UBN1: variants seen among roughly 807,000 people sequenced by gnomAD.
UBN1 encodes ubinuclein 1, also known as ubinuclein-1.
UBN1 carries 17 observed loss-of-function variants against 108.5 expected under a neutral mutation model. That is an observed-to-expected ratio of 0.16 (90% CI 0.11 to 0.24). The LOEUF (loss-of-function observed/expected upper bound fraction) is 0.24, where lower values mean the gene tolerates loss of function less well. UBN1 is among the 10% of genes least tolerant of loss of function. UBN1 has a pLI of 1.00. For synonymous variants in UBN1, 726 were observed against 564.2 expected, an observed-to-expected ratio of 1.29 and a Z score of -4.07; for missense variants, 1,595 against 1,394.4, an observed-to-expected ratio of 1.14 and a Z score of -2.29.
chr16:4,870,794 C>T (rs1320300286), intron 10 of UBN1, 50 bp from the exon 11 acceptor site: 10 of 1,608,144 alleles, frequency 6.2e-6, no homozygotes, highest in Middle Eastern at 1.7e-4. Flanking sequence ...AGGGGAGAGG[C>T]GGTGGGCAGG....
Position 4,875,359 on chromosome 16 carries a change from A to C in UBN1, c.2949A>C (p.Gly983=). The C allele has an allele frequency of 6.2e-7, 1 of 1,614,184 alleles. No homozygotes were observed. Among genetic ancestry groups the C allele is most frequent in the Non-Finnish European group, 8.5e-7 (1 of 1,180,030 alleles). Residue 983 remains glycine, a synonymous_variant, in exon 15 of 18, where the codon GGA becomes GGC. Coordinates refer to ENST00000262376, the MANE Select transcript of UBN1 (RefSeq NM_001079514.3). ...GAGATTCCAGTGGTGGGACCCAGGGAGTGGCAAAGTTGCTGACCTCGCCGT... is the reference window on the plus strand; with the variant it reads ...GAGATTCCAGTGGTGGGACCCAGGGCGTGGCAAAGTTGCTGACCTCGCCGT... The part of the protein sequence containing the change: ...PNGDSSGGTQ[G]VAKLLTSPSL...
At chr16:4,856,527 G>A (rs1044855760) in intron 2 of UBN1, among the ~76,000 whole-genome samples, 47 of 152,288 alleles carry the variant, frequency 3.1e-4, no homozygotes, top group African/African-American at 1.0e-3. Context: ...TGGTACCACC[G>A]CAGGTAACAG....
chr16:4,848,077 G>A lies in UBN1; in HGVS notation c.-173G>A, dbSNP rs2086289751. On this transcript the variant is annotated 5_prime_UTR_variant, in exon 1 of 18. Coordinates refer to ENST00000262376, the MANE Select transcript of UBN1 (RefSeq NM_001079514.3). ...CCTGGGCTCGGGGACCCGGCCATGG[G>A]CCGAGGCGCGGGCCGCCCGCCCGCT... 6.6e-6 allele frequency: 1 copy of A among 152,002 alleles called. No homozygotes were observed. Among genetic ancestry groups the A allele is most frequent in the Admixed American group, 6.6e-5 (1 of 15,262 alleles). The allele number at this position is 152,002 out of a possible 1,614,324, so 9.4% of individuals were successfully genotyped here.
At chr16:4,863,324 G>C (rs776310336) in intron 7 of UBN1, among the ~76,000 whole-genome samples, 2 of 152,104 alleles carry the variant, frequency 1.3e-5, no homozygotes, top group African/African-American at 2.4e-5. Context: ...CCCTGCACTT[G>C]GGGCACTTGG....
chr16:4,880,005 G>T, intron 17 of UBN1, 78 bp from the exon 18 acceptor site: 5 of 1,517,084 alleles, frequency 3.3e-6, no homozygotes, highest in Non-Finnish European at 4.6e-6. Context: ...TGTCTCCCTT[G>T]AAGTTTGGTT....
intron 17 of UBN1, among the ~76,000 whole-genome samples, chr16:4,879,839 C>G (rs754032217): frequency 6.6e-6 from 1 of 152,194 alleles, no homozygotes; most frequent in African/African-American, 2.4e-5. Flanking sequence ...AGTTGCTGTT[C>G]TGGAAACACT....
intron 7 of UBN1, among the ~76,000 whole-genome samples, chr16:4,867,006 G>A (rs1034284322): frequency 6.6e-6 from 1 of 152,242 alleles, no homozygotes; most frequent in Non-Finnish European, 1.5e-5. Context: ...GGCTTCGCCG[G>A]CCTCCTGGGG....
At chr16:4,854,591 C>A (rs897521412) in intron 2 of UBN1, among the ~76,000 whole-genome samples, 6 of 150,478 alleles carry the variant, frequency 4.0e-5, no homozygotes, top group African/African-American at 1.5e-4. Flanking sequence ...GTCTCCAACT[C>A]CTGACCTCAA....
At chr16:4,866,802 G>C (rs533780728) in intron 7 of UBN1, among the ~76,000 whole-genome samples, 1 of 152,294 alleles carries the variant, frequency 6.6e-6, no homozygotes, top group South Asian at 2.1e-4. Flanking sequence ...GTGAGCCACC[G>C]CGCCGGGCCA....
At position 4,860,845 on chromosome 16, in the gene UBN1, G is replaced by A; in HGVS notation, c.853G>A (p.Ala285Thr). Residue 285 changes from alanine to threonine, a missense_variant, in exon 7 of 18, where the codon GCC becomes ACC. Physicochemically the swap from Ala to Thr is moderately conservative, Grantham distance 58. Around this residue, in one of 3 missense-constraint regions of UBN1, gnomAD observed 1,398 missense variants for 1,194.7 expected, o/e 1.17. Coordinates refer to ENST00000262376, the MANE Select transcript of UBN1 (RefSeq NM_001079514.3). ...EAQGLRELEGASDPLLSLFGS... is the reference protein window; with the variant it reads ...EAQGLRELEGTSDPLLSLFGS... ...TCAGGGCCTGCGGGAACTGGAGGGT[G>A]CCTCTGACCCCTTGCTCTCACTCTT... 1 of 1,614,292 alleles carries A rather than the reference G, an allele frequency of 6.2e-7. No homozygotes were observed. The highest frequency in any genetic ancestry group is 8.5e-7 in the Non-Finnish European group (1 of 1,180,050).
rs2086983344 is a variant in UBN1, at chr16:4,859,967, G to A, written c.670G>A (p.Gly224Ser). ...KSKKSKFSKA[G>S]FTALNASKEK... is the part of the protein sequence containing the mutation. ...GAAAAAGTCCAAGTTTTCCAAAGCC[G>A]GGTGAGAGGCAGCAGCTTCTTTGCT... Residue 224 changes from glycine to serine, a missense_variant and splice_region_variant, in exon 6 of 18, where the codon GGC (glycine) becomes AGC (serine). By Grantham distance (56) the Gly-to-Ser change is moderately conservative (BLOSUM62 0). Around this residue, in one of 3 missense-constraint regions of UBN1, gnomAD observed 1,398 missense variants for 1,194.7 expected, o/e 1.17. Transcript: ENST00000262376. 7 of 1,614,040 alleles carry A rather than the reference G, an allele frequency of 4.3e-6. No homozygotes were observed. Among genetic ancestry groups the A allele is most frequent in the Non-Finnish European group, 5.9e-6 (7 of 1,179,956 alleles).
intron 12 of UBN1, among the ~76,000 whole-genome samples, chr16:4,871,602 T>G (rs1269611026): frequency 9.7e-6 from 1 of 102,778 alleles, no homozygotes; most frequent in Non-Finnish European, 2.0e-5. Flanking sequence ...TTTTTTTTTT[T>G]TTGAGATGGA....
chr16:4,868,426 G>A (rs892776629), intron 7 of UBN1, among the ~76,000 whole-genome samples: 23 of 152,200 alleles, frequency 1.5e-4, no homozygotes, highest in African/African-American at 5.1e-4. Context: ...TAGATAAAAA[G>A]GCCTTTAAAT....
intron 6 of UBN1, 93 bp downstream of exon 6, chr16:4,860,061 A>G: frequency 6.5e-7 from 1 of 1,529,768 alleles, no homozygotes; most frequent in Non-Finnish European, 8.8e-7. Flanking sequence ...CAGCTTCGGA[A>G]GAGGCAGCAG....
chr16:4,877,374 T>C lies in UBN1; in HGVS notation c.3266-11T>C. On this transcript the variant is annotated splice_polypyrimidine_tract_variant and intron_variant, in intron 16 of 17. Coordinates refer to ENST00000262376, the MANE Select transcript of UBN1 (RefSeq NM_001079514.3). The surrounding 1 kb of genome is among the most constrained non-coding windows in gnomAD (Gnocchi z 4.3). ...TGTTTTGTTCTTTTCTCCCCTCCTGTTTTCTCTCAGGTCTTCTGGCTGGCT... is the reference window on the plus strand; with the variant it reads ...TGTTTTGTTCTTTTCTCCCCTCCTGCTTTCTCTCAGGTCTTCTGGCTGGCT... 1 of 1,607,050 alleles carries C rather than the reference T, an allele frequency of 6.2e-7. No homozygotes were observed. Among genetic ancestry groups the C allele is most frequent in the Non-Finnish European group, 8.5e-7 (1 of 1,176,182 alleles).
In UBN1 at chr16:4,872,913, A is replaced by G. The variant is rs2087714406; in HGVS notation, c.1736A>G (p.His579Arg). 2 of 1,614,240 alleles carry G rather than the reference A, an allele frequency of 1.2e-6. No individual in the cohort carries two copies. ...CTGTTTAAGGAGAGCAGACGAGGCC[A>G]TGGGCACCTGACTTCAATCCTGTGA... is the stretch of plus-strand genomic sequence containing the variant. Reference protein sequence around the residue: ...RTLFKESRRGHGHLTSILAKK... With the variant: ...RTLFKESRRGRGHLTSILAKK... The change falls in exon 13 of 18, where the codon CAT (histidine) becomes CGT (arginine). Residue 579 changes from histidine (H) to arginine (R), a missense_variant. Physicochemically the swap from His to Arg is conservative, Grantham distance 29. Transcript: ENST00000262376.
At chr16:4,865,228 T>C (rs530775465) in intron 7 of UBN1, among the ~76,000 whole-genome samples, 6 of 152,358 alleles carry the variant, frequency 3.9e-5, no homozygotes, top group African/African-American at 1.4e-4. Flanking sequence ...CAGTCGACTC[T>C]TCAGTATAAA....
intron 12 of UBN1, among the ~76,000 whole-genome samples, chr16:4,871,981 G>C (rs893378316): frequency 1.3e-5 from 2 of 152,194 alleles, no homozygotes; most frequent in Non-Finnish European, 2.9e-5. Flanking sequence ...GTCATTTGCA[G>C]GTAGCAGGGC....
chr16:4,852,624 T>G, intron 1 of UBN1: 1 of 239,982 alleles, frequency 4.2e-6, no homozygotes, highest in Non-Finnish European at 8.1e-6. Flanking sequence ...TCTGTCAGCA[T>G]GGGTTCTTTA....
Sources: gnomAD v4.1 joint callset for allele counts (sites outside exome capture counted in the v4.1 genomes callset) on GRCh38, gnomAD v4.1.1 for gene constraint, gnomAD v4.1.1 regional missense constraint, Gnocchi (gnomAD v3.1) non-coding constraint, MANE v1.5 for transcripts, NCBI Gene and HGNC (gene_info 2026-07-23, HGNC 2026-07-21) for gene names.